Variants in DLG2 observed in about 807,000 individuals in gnomAD.
The protein encoded by DLG2 is disks large homolog 2.
In DLG2, 45 loss-of-function variants were observed where a neutral mutation model predicts 132.5. The ratio of observed to expected loss-of-function variants is 0.34; its 90% confidence interval spans 0.27 to 0.44. The LOEUF is 0.44. Among genes scored for constraint, DLG2 ranks in the 20% least tolerant of loss-of-function variants. The probability of loss-of-function intolerance (pLI) is 1.00; values close to 1 mark genes in which losing one functional copy is unlikely to be tolerated. For synonymous variants in DLG2, 424 were observed against 419.6 expected, an observed-to-expected ratio of 1.01 and a Z score of -0.13; for missense variants, 1,045 against 1,196.9, an observed-to-expected ratio of 0.87 and a Z score of 1.87.
At chr11:85,107,671 T>C (rs2071993688) in intron 6 of DLG2, among the ~76,000 whole-genome samples, 1 of 151,958 alleles carries the variant, frequency 6.6e-6, no homozygotes, top group Non-Finnish European at 1.5e-5. Context: ...TTCATATTCA[T>C]GGTCATACAA....
chr11:85,332,901 T>C (rs1410750590), intron 3 of DLG2, among the ~76,000 whole-genome samples: 1 of 152,234 alleles, frequency 6.6e-6, no homozygotes, highest in Non-Finnish European at 1.5e-5. Context: ...TCCAGCTTTG[T>C]TCTTTTGGCT....
At chr11:84,688,287 C>T (rs963504078) in intron 6 of DLG2, among the ~76,000 whole-genome samples, 1 of 152,134 alleles carries the variant, frequency 6.6e-6, no homozygotes, top group Admixed American at 6.5e-5. Context: ...AGTGTTAGGT[C>T]TCACCACTGC....
At chr11:85,228,752 T>C (rs2075123407) in intron 4 of DLG2, among the ~76,000 whole-genome samples, 1 of 151,840 alleles carries the variant, frequency 6.6e-6, no homozygotes. Context: ...ATGGCTTATA[T>C]ATGGGTTTTG....
At chr11:84,486,786 T>C (rs2099152168) in intron 7 of DLG2, among the ~76,000 whole-genome samples, 1 of 152,124 alleles carries the variant, frequency 6.6e-6, no homozygotes, top group Admixed American at 6.6e-5. Flanking sequence ...TATACATGCA[T>C]TCAATAGCTC....
intron 6 of DLG2, among the ~76,000 whole-genome samples, chr11:84,656,811 G>GA (rs912166949): frequency 6.6e-6 from 1 of 151,948 alleles, no homozygotes; most frequent in South Asian, 2.1e-4. Context: ...ATAGGGAGTG[G>GA]AAAAAAATGC....
chr11:83,458,956 A>G lies in DLG2; in HGVS notation c.*862T>C, dbSNP rs902188542. Reference sequence around the variant, plus strand: ...CAGATGCTCTTAACAGATCATTGGCAACAAAAGGGAGAGTGCAACTTTCAG... The same window carrying G: ...CAGATGCTCTTAACAGATCATTGGCGACAAAAGGGAGAGTGCAACTTTCAG... On this transcript the variant is annotated 3_prime_UTR_variant, in exon 28 of 28. Coordinates refer to ENST00000376104, the MANE Select transcript of DLG2 (RefSeq NM_001142699.3). 3.3e-5 allele frequency: 5 copies of G among 152,268 alleles called. No homozygotes were observed. Among genetic ancestry groups the G allele is most frequent in the African/African-American group, 1.2e-4 (5 of 41,472 alleles). 9.4% of individuals were successfully genotyped at this position (152,268 alleles called of 1,614,324 possible). A position where few individuals can be genotyped will look rare whatever the true frequency, so the allele number is the denominator to read the frequency against.
intron 18 of DLG2, among the ~76,000 whole-genome samples, chr11:83,700,541 A>G (rs2082740180): frequency 6.6e-6 from 1 of 152,234 alleles, no homozygotes. Context: ...AATCCAACAC[A>G]TACCAGATCG....
At chr11:85,012,469 A>G (rs533730283) in intron 6 of DLG2, among the ~76,000 whole-genome samples, 2 of 152,158 alleles carry the variant, frequency 1.3e-5, no homozygotes, top group Admixed American at 6.6e-5. Context: ...GGTTGCAGTG[A>G]GCTGAGATCG....
At chr11:83,761,553 G>C (rs2093909171) in intron 18 of DLG2, among the ~76,000 whole-genome samples, 1 of 152,128 alleles carries the variant, frequency 6.6e-6, no homozygotes. Context: ...ATTTCTGTCT[G>C]AATTGCATTT....
intron 21 of DLG2, among the ~76,000 whole-genome samples, chr11:83,525,881 A>G (rs779060919): frequency 2.0e-5 from 3 of 152,196 alleles, no homozygotes; most frequent in Non-Finnish European, 4.4e-5. Context: ...TAAAATTCCC[A>G]TCTTGCTAAC....
intron 6 of DLG2, among the ~76,000 whole-genome samples, chr11:84,816,893 C>T (rs2077139652): frequency 6.6e-6 from 1 of 151,934 alleles, no homozygotes; most frequent in South Asian, 2.1e-4. Context: ...ACATTTACTG[C>T]CATTCTGTTA....
At chr11:85,008,235 A>G (rs2058867088) in intron 6 of DLG2, among the ~76,000 whole-genome samples, 1 of 152,108 alleles carries the variant, frequency 6.6e-6, no homozygotes. Context: ...CATCTGTGTA[A>G]ACTACTCCAT....
In DLG2 at chr11:84,090,919, C is replaced by CT. The variant is rs539954710; in HGVS notation, c.749+8003dup. On this transcript the variant is annotated intron_variant, in intron 10 of 27. Coordinates refer to ENST00000376104, the MANE Select transcript of DLG2 (RefSeq NM_001142699.3). ...ATAGCAATTAAATTATTTGCAAAGG[C>CT]TTTTTTACTGATACAGGGAAAGGTC... 3.2e-4 allele frequency among the ~76,000 whole-genome samples: 49 copies of CT among 152,176 alleles called. No individual in the cohort carries two copies. The East Asian group carries it at 7.7e-3, about 24-fold the overall frequency.
intron 7 of DLG2, among the ~76,000 whole-genome samples, chr11:84,486,051 C>G (rs539803771): frequency 2.0e-5 from 3 of 152,268 alleles, no homozygotes; most frequent in African/African-American, 7.2e-5. Flanking sequence ...GGGAGAGACA[C>G]ATATGCCTTT....
chr11:85,186,228 A>C (rs1453152630), intron 4 of DLG2, among the ~76,000 whole-genome samples: 6 of 152,054 alleles, frequency 3.9e-5, no homozygotes, highest in Admixed American at 2.0e-4. Context: ...AAAAGTAAAA[A>C]GAAACAAAAT....
chr11:85,529,604 A>G (rs1243010120), intron 3 of DLG2, among the ~76,000 whole-genome samples: 2 of 152,176 alleles, frequency 1.3e-5, no homozygotes, highest in East Asian at 3.9e-4. Context: ...GAACAAGTCT[A>G]CTCAGACTCT....
intron 6 of DLG2, among the ~76,000 whole-genome samples, chr11:84,561,960 A>G (rs2099429551): frequency 6.6e-6 from 1 of 152,164 alleles, no homozygotes; most frequent in Non-Finnish European, 1.5e-5. Context: ...TGCTTTCTCA[A>G]TCTTGATTTA....
chr11:83,744,237 G>A (rs1203499383), intron 18 of DLG2, among the ~76,000 whole-genome samples: 3 of 152,166 alleles, frequency 2.0e-5, no homozygotes, highest in Non-Finnish European at 2.9e-5. Flanking sequence ...TGATCCAGCA[G>A]CTGCCTCCTA....
intron 15 of DLG2, among the ~76,000 whole-genome samples, chr11:83,880,469 G>C (rs552493651): frequency 1.1e-4 from 17 of 152,190 alleles, no homozygotes; most frequent in Non-Finnish European, 1.9e-4. Flanking sequence ...CCAGTGATCT[G>C]GCTGGGTAGG....
Sources: allele counts gnomAD v4.1 joint callset (sites outside exome capture counted in the v4.1 genomes callset), GRCh38; gene constraint gnomAD v4.1.1; transcripts MANE v1.5; gene names NCBI Gene and HGNC (gene_info 2026-07-23, HGNC 2026-07-21).